Variants in ZNF438 observed in about 807,000 individuals in gnomAD.
ZNF438 encodes the protein zinc finger protein 438.
A neutral mutation model predicts 38.0 loss-of-function variants in ZNF438; 25 were observed. The observed-to-expected ratio is 0.66, with a 90% CI of 0.48 to 0.92. The LOEUF is 0.92. ZNF438 is among the 40% of genes least tolerant of loss of function. The probability of loss-of-function intolerance (pLI) is 0.00; values close to 1 mark genes in which losing one functional copy is unlikely to be tolerated. For synonymous variants in ZNF438, 372 were observed against 364.1 expected (o/e 1.02, Z -0.25); for missense variants, 1,007 against 999.6 (o/e 1.01, Z -0.10).
chr10:30,960,349 A>G lies in ZNF438; in HGVS notation c.-191-18698T>C, dbSNP rs1015621054. On this transcript the variant is annotated intron_variant, in intron 1 of 5. Transcript: ENST00000413025. ...GTGTCATACCTAACAACTCTGCCTA[A>G]TCCAAGGTCATAAAGTTTCTTCTAT... Among the ~76,000 whole-genome samples the G allele has an allele frequency of 2.0e-5, 3 of 147,162 alleles. 1 individual carries two copies. Among genetic ancestry groups the G allele is most frequent in the African/African-American group, 7.3e-5 (3 of 41,148 alleles).
At chr10:30,957,782 T>C (rs192603232) in intron 1 of ZNF438, among the ~76,000 whole-genome samples, 4 of 152,310 alleles carry the variant, frequency 2.6e-5, no homozygotes, top group African/African-American at 4.8e-5. Flanking sequence ...TTGAGGAGAA[T>C]TGACATTATT....
chr10:30,862,448 G>C (rs1334501968), intron 4 of ZNF438, among the ~76,000 whole-genome samples: 1 of 152,026 alleles, frequency 6.6e-6, no homozygotes, highest in East Asian at 1.9e-4. Flanking sequence ...AACAACACAT[G>C]CACACCACCC....
At chr10:30,957,119 T>C (rs552298712) in intron 1 of ZNF438, among the ~76,000 whole-genome samples, 2 of 152,226 alleles carry the variant, frequency 1.3e-5, no homozygotes, top group South Asian at 4.1e-4. Context: ...ATTACTGTTT[T>C]GATTTGCGTT....
At chr10:30,934,744 T>C (rs963218226) in intron 2 of ZNF438, among the ~76,000 whole-genome samples, 27 of 152,350 alleles carry the variant, frequency 1.8e-4, no homozygotes, top group African/African-American at 6.0e-4. Context: ...GTAGTCTCAT[T>C]GGCTACAAAC....
chr10:30,972,783 T>C (rs940830314), intron 1 of ZNF438, among the ~76,000 whole-genome samples: 2 of 152,194 alleles, frequency 1.3e-5, no homozygotes, highest in African/African-American at 4.8e-5. Context: ...CAAAGAGCCA[T>C]GGGATTCAAT....
rs112890242 is a variant in ZNF438 at position 31,017,819 on chromosome 10, T to C, written c.-192+14014A>G. Among the ~76,000 whole-genome samples the C allele has an allele frequency of 2.6e-3, 397 of 152,330 alleles. 2 individuals carry two copies. Among genetic ancestry groups the C allele is most frequent in the Middle Eastern group, 0.01 (3 of 294 alleles). The stretch of plus-strand genomic sequence containing the variant: ...ATTTGACTTGCTTTGGCCAATAAAA[T>C]ATGAACAAAAGTAACACGTACCACT... On this transcript the variant is annotated intron_variant, in intron 1 of 5. Coordinates refer to ENST00000413025, the Ensembl canonical transcript of ZNF438.
At chr10:31,024,344 C>T (rs1265209511) in intron 1 of ZNF438, among the ~76,000 whole-genome samples, 1 of 152,058 alleles carries the variant, frequency 6.6e-6, no homozygotes, top group Non-Finnish European at 1.5e-5. Flanking sequence ...TTCCTAGGTA[C>T]GGCCGAGCGC....
intron 1 of ZNF438, among the ~76,000 whole-genome samples, chr10:30,959,331 GGAAGTCCCC>G (rs2049207103): frequency 6.8e-6 from 1 of 146,638 alleles, no homozygotes; most frequent in African/African-American, 2.4e-5. Context: ...TGGGCAAAAG[GGAAGTCCCC>G]AGCAGACTCC....
intron 1 of ZNF438, among the ~76,000 whole-genome samples, chr10:30,969,792 A>C (rs1473475532): frequency 6.6e-6 from 1 of 151,984 alleles, no homozygotes; most frequent in Non-Finnish European, 1.5e-5. Flanking sequence ...TTCATAACCA[A>C]AACCAAAACC....
intron 1 of ZNF438, among the ~76,000 whole-genome samples, chr10:30,986,543 A>G (rs2052811930): frequency 6.6e-6 from 1 of 152,226 alleles, no homozygotes; most frequent in Admixed American, 6.5e-5. Flanking sequence ...TTGAATGCCT[A>G]GTGTCATGAG....
intron 1 of ZNF438, among the ~76,000 whole-genome samples, chr10:31,007,566 C>T (rs2055278029): frequency 6.6e-6 from 1 of 152,142 alleles, no homozygotes; most frequent in Non-Finnish European, 1.5e-5. Flanking sequence ...AGGCGTTAGC[C>T]ACCGCGCCCG....
intron 2 of ZNF438, among the ~76,000 whole-genome samples, chr10:30,931,748 C>A: frequency 6.6e-6 from 1 of 152,312 alleles, no homozygotes; most frequent in Non-Finnish European, 1.5e-5. Flanking sequence ...CAATTCTTTA[C>A]ACCTTCTCTA....
In ZNF438 at chr10:30,874,963, C is replaced by G. The variant is rs564789297; in HGVS notation, c.37+2035G>C. ...TGAAGTTGTAAAATAAGGTTTACGTCTAACTTATTGTGAAGATTAAATAAA... is the reference window on the plus strand; with the variant it reads ...TGAAGTTGTAAAATAAGGTTTACGTGTAACTTATTGTGAAGATTAAATAAA... On this transcript the variant is annotated intron_variant, in intron 4 of 5. Coordinates refer to ENST00000413025, the Ensembl canonical transcript of ZNF438. Among the ~76,000 whole-genome samples the G allele has an allele frequency of 2.6e-5, 4 of 152,128 alleles. No homozygotes were observed. The East Asian group carries it at 7.7e-4, about 29-fold the overall frequency.
intron 3 of ZNF438, among the ~76,000 whole-genome samples, chr10:30,891,076 A>G (rs1366390366): frequency 6.6e-6 from 1 of 152,222 alleles, no homozygotes; most frequent in African/African-American, 2.4e-5. Flanking sequence ...CAATGTTTAT[A>G]AACTTCACAG....
intron 1 of ZNF438, among the ~76,000 whole-genome samples, chr10:31,002,550 C>T (rs888825221): frequency 2.6e-5 from 4 of 152,160 alleles, no homozygotes; most frequent in South Asian, 2.1e-4. Context: ...TTCAAAAATA[C>T]GATTAAAAAA....
intron 4 of ZNF438, among the ~76,000 whole-genome samples, chr10:30,863,704 G>A (rs1202595543): frequency 2.0e-5 from 3 of 152,224 alleles, no homozygotes; most frequent in Non-Finnish European, 2.9e-5. Context: ...ATGTGTGCCT[G>A]TGAGTGGTCT....
intron 1 of ZNF438, among the ~76,000 whole-genome samples, chr10:31,011,204 A>C (rs1369085912): frequency 1.3e-5 from 2 of 152,208 alleles, no homozygotes; most frequent in African/African-American, 4.8e-5. Context: ...GAGCTGCTGC[A>C]AAAGAGCAAC....
intron 1 of ZNF438, among the ~76,000 whole-genome samples, chr10:31,006,794 C>G (rs1341886135): frequency 3.3e-5 from 5 of 150,662 alleles, no homozygotes; most frequent in Admixed American, 1.3e-4. Flanking sequence ...GGGGAACTCC[C>G]ACACGTGTGA....
chr10:30,949,383 C>G (rs980048668), intron 1 of ZNF438, among the ~76,000 whole-genome samples: 1 of 152,180 alleles, frequency 6.6e-6, no homozygotes, highest in Non-Finnish European at 1.5e-5. Flanking sequence ...ATGACAGGAT[C>G]AAATTCACAT....
Sources: allele counts gnomAD v4.1 joint callset (sites outside exome capture counted in the v4.1 genomes callset), GRCh38; gene constraint gnomAD v4.1.1; transcripts MANE v1.5; gene names NCBI Gene and HGNC (gene_info 2026-07-23, HGNC 2026-07-21).